SYT12: variants seen among roughly 807,000 people sequenced by gnomAD.
The protein encoded by SYT12 is synaptotagmin 12, also known as synaptotagmin-12.
SYT12 carries 27 observed loss-of-function variants against 39.5 expected under a neutral mutation model. The observed-to-expected ratio is 0.68, with a 90% CI of 0.50 to 0.94. SYT12 has a LOEUF of 0.94. Among genes scored for constraint, SYT12 ranks in the 40% least tolerant of loss-of-function variants. The pLI is 0.00. For missense variants in SYT12, 536 were observed against 572.6 expected, an observed-to-expected ratio of 0.94 and a Z score of 0.65; for synonymous variants, 233 against 239.7, an observed-to-expected ratio of 0.97 and a Z score of 0.26.
chr11:67,045,751 C>T lies in SYT12; in HGVS notation c.966C>T (p.Phe322=). ...WTNDKTTADP[F]VKVYLLQDGR... is the part of the protein sequence containing the mutation. ...CTGTCCGCCTGCCCACAGACCCCTT[C>T]GTCAAGGTGTACCTGCTGCAGGATG... Residue 322 remains phenylalanine, a synonymous_variant, in exon 7 of 8, where the codon TTC becomes TTT. Transcript: ENST00000527043. 4 of 1,613,786 alleles carry T rather than the reference C, an allele frequency of 2.5e-6. No individual in the cohort carries two copies. The highest frequency in any genetic ancestry group is 1.1e-5 in the South Asian group (1 of 90,962).
intron 4 of SYT12, among the ~76,000 whole-genome samples, chr11:67,043,402 T>C (rs1214854470): frequency 6.6e-6 from 1 of 152,104 alleles, no homozygotes; most frequent in African/African-American, 2.4e-5. Context: ...GGAAATTAGT[T>C]GGGATCAGAT....
At chr11:67,015,625 G>A (rs376131632) in intron 3 of SYT12, among the ~76,000 whole-genome samples, 2 of 152,294 alleles carry the variant, frequency 1.3e-5, no homozygotes, top group East Asian at 1.9e-4. Flanking sequence ...TGTCCTGGAC[G>A]TGGATTCCTC....
chr11:67,043,743 G>A lies in SYT12; in HGVS notation c.727G>A (p.Asp243Asn), dbSNP rs200243968. ...KSLRFSVFGI[D>N]EDERNVSTGV... ...CCTGCGGTTTTCTGTATTTGGCATC[G>A]ATGAGGATGAGCGCAACGTCAGCAC... The change falls in exon 5 of 8, where the codon GAT (aspartate) becomes AAT (asparagine). Residue 243 changes from aspartate (D) to asparagine (N), a missense_variant. Transcript: ENST00000527043. 1.6e-4 allele frequency: 255 copies of A among 1,614,118 alleles called. 1 individual carries two copies. The highest frequency in any genetic ancestry group is 8.8e-5 in the South Asian group (8 of 91,080).
At chr11:67,042,515 G>C (rs1950531201) in intron 4 of SYT12, among the ~76,000 whole-genome samples, 1 of 152,212 alleles carries the variant, frequency 6.6e-6, no homozygotes, top group Non-Finnish European at 1.5e-5. Context: ...GCTCGGGAAA[G>C]TGCTTTGCCC....
intron 3 of SYT12, among the ~76,000 whole-genome samples, chr11:67,015,758 T>C (rs762124386): frequency 6.6e-6 from 1 of 152,160 alleles, no homozygotes; most frequent in Admixed American, 6.5e-5. Flanking sequence ...TAAAATCCCT[T>C]CATATGGTAA....
At position 67,048,816 on chromosome 11, in the gene SYT12, T is replaced by G; in HGVS notation, c.*59T>G. ...CTGGAGCCCGGTACCCACTCAGCTC[T>G]GTCTGATGCCCTCTCCATAGCCCAG... On this transcript the variant is annotated 3_prime_UTR_variant, in exon 8 of 8. Transcript: ENST00000527043. 8 of 1,548,168 alleles carry G rather than the reference T, an allele frequency of 5.2e-6. No individual in the cohort carries two copies. Among genetic ancestry groups the G allele is most frequent in the East Asian group, 2.3e-5 (1 of 43,428 alleles).
At chr11:67,047,052 C>A (rs185198885) in intron 7 of SYT12, among the ~76,000 whole-genome samples, 2 of 152,106 alleles carry the variant, frequency 1.3e-5, no homozygotes, top group African/African-American at 4.8e-5. Flanking sequence ...GCAACCTCCG[C>A]CTCCTGGGTT....
At chr11:67,014,533 C>G (rs145001636) in intron 3 of SYT12, among the ~76,000 whole-genome samples, 1,539 of 152,344 alleles carry the variant, frequency 0.01, 15 homozygotes, top group Non-Finnish European at 0.017. Context: ...CCGGGCTGCC[C>G]TCTGCCAGGC....
In SYT12 at chr11:67,035,679, G is replaced by C. The variant is rs189916429; in HGVS notation, c.228+841G>C. Among the ~76,000 whole-genome samples, 382 of 151,144 alleles carry C rather than the reference G, an allele frequency of 2.5e-3. 5 individuals are homozygous for C. Among genetic ancestry groups the C allele is most frequent in the African/African-American group, 8.0e-3 (331 of 41,232 alleles). ...TCACCATGTTAGCCAGGATGGTCTC[G>C]ATCTCCTGACCTCGTGATCCGCCCG... is the stretch of plus-strand genomic sequence containing the variant. On this transcript the variant is annotated intron_variant, in intron 3 of 7. Transcript: ENST00000527043.
chr11:67,047,314 G>C (rs1854588856), intron 7 of SYT12, among the ~76,000 whole-genome samples: 2 of 53,210 alleles, frequency 3.8e-5, no homozygotes, highest in Admixed American at 2.0e-4. Flanking sequence ...TGTCACCCAG[G>C]CTGGAGTGCA....
At chr11:67,040,793 G>A (rs557890309) in intron 4 of SYT12, among the ~76,000 whole-genome samples, 5 of 151,898 alleles carry the variant, frequency 3.3e-5, no homozygotes, top group East Asian at 3.9e-4. Context: ...AGCCGAGATC[G>A]TGCCACTGCA....
intron 2 of SYT12, among the ~76,000 whole-genome samples, chr11:67,033,574 G>T (rs1950309610): frequency 6.6e-6 from 1 of 152,204 alleles, no homozygotes; most frequent in African/African-American, 2.4e-5. Flanking sequence ...TACCCCACTT[G>T]CTTTGGGGTC....
In SYT12 at chr11:67,040,995, C is replaced by CA. The variant is rs573369801; in HGVS notation, c.621+800dup. On this transcript the variant is annotated intron_variant, in intron 4 of 7. Transcript: ENST00000527043. ...CAACATGGCAAAACTCCTTCTCTACCAAAAAAAATAAAATAAAATAAAATA... is the reference window on the plus strand; with the variant it reads ...CAACATGGCAAAACTCCTTCTCTACCAAAAAAAAATAAAATAAAATAAAATA... Among the ~76,000 whole-genome samples the CA allele has an allele frequency of 7.7e-4, 116 of 151,128 alleles. No homozygotes were observed. The Middle Eastern group carries it at 0.01, about 13-fold the overall frequency.
chr11:67,020,726 G>A (rs1441633476), upstream of SYT12, among the ~76,000 whole-genome samples: 1 of 152,104 alleles, frequency 6.6e-6, no homozygotes, highest in African/African-American at 2.4e-5. Context: ...CAGTACGTTT[G>A]TGAGATTCAC....
intron 2 of SYT12, chr11:67,033,024 C>T (rs1405858049): frequency 6.5e-6 from 1 of 152,718 alleles, no homozygotes; most frequent in Non-Finnish European, 1.5e-5. Context: ...GGACTCTGGC[C>T]AAAGGCAGCT....
In SYT12 at chr11:67,048,565, CA is replaced by C; in HGVS notation, c.1093-18del. 1 of 1,587,752 alleles carries C rather than the reference CA, an allele frequency of 6.3e-7. No homozygotes were observed. The highest frequency in any genetic ancestry group is 1.1e-5 in the South Asian group (1 of 90,512). ...CTGACTGCCCCTGGTCCTCAGCACC[CA>C]TGTTGCCTCTTCCTCAGGACCTGTC... On this transcript the variant is annotated intron_variant, in intron 7 of 7. Coordinates refer to ENST00000527043, the MANE Select transcript of SYT12 (RefSeq NM_177963.4).
intron 7 of SYT12, 115 bp downstream of exon 7, chr11:67,045,992 CAT>C (rs1854536560): frequency 8.6e-6 from 12 of 1,387,640 alleles, no homozygotes; most frequent in Non-Finnish European, 1.2e-5. Flanking sequence ...TGCCTCCAGC[CAT>C]CACTTTCTAG....
chr11:67,043,039 T>TC (rs1028016993), intron 4 of SYT12, among the ~76,000 whole-genome samples: 2 of 151,932 alleles, frequency 1.3e-5, no homozygotes, highest in Non-Finnish European at 2.9e-5. Context: ...GACTAAAGCA[T>TC]CCCCCTTATT....
chr11:67,023,116 T>C (rs1412346647), upstream of SYT12, among the ~76,000 whole-genome samples: 4 of 152,096 alleles, frequency 2.6e-5, no homozygotes, highest in Non-Finnish European at 4.4e-5. Context: ...CGTCCCTGGA[T>C]CCCGGACGCG....
Sources: gnomAD v4.1 joint callset for allele counts (sites outside exome capture counted in the v4.1 genomes callset) on GRCh38, gnomAD v4.1.1 for gene constraint, MANE v1.5 for transcripts, NCBI Gene and HGNC (gene_info 2026-07-23, HGNC 2026-07-21) for gene names.